Variants in MYO7A observed in about 807,000 individuals in gnomAD.
MYO7A encodes unconventional myosin-VIIa.
Under a neutral mutation model 263.8 loss-of-function variants are expected in MYO7A, and 210 were observed. That is an observed-to-expected ratio of 0.80 (90% CI 0.71 to 0.89). MYO7A has a LOEUF of 0.89. Ranked by LOEUF, MYO7A falls within the 40% of genes least tolerant of loss-of-function variation. The probability of loss-of-function intolerance (pLI) is 0.00; values close to 1 mark genes in which losing one functional copy is unlikely to be tolerated. For missense variants in MYO7A, 2,820 were observed against 2,968.3 expected (o/e 0.95, Z 1.16); for synonymous variants, 1,239 against 1,197.3 (o/e 1.03, Z -0.72).
At chr11:77,142,082 C>T (rs1298805969) in intron 2 of MYO7A, among the ~76,000 whole-genome samples, 7 of 152,242 alleles carry the variant, frequency 4.6e-5, no homozygotes, top group African/African-American at 1.7e-4. Context: ...ACGTTTGGCT[C>T]TCACGATCCC....
chr11:77,199,061 G>C (rs985147608), intron 34 of MYO7A, among the ~76,000 whole-genome samples: 1 of 152,200 alleles, frequency 6.6e-6, no homozygotes, highest in African/African-American at 2.4e-5. Flanking sequence ...GTGGGTTGCT[G>C]GGATTGACTG....
At position 77,203,096 on chromosome 11, in the gene MYO7A, G is replaced by A; in HGVS notation, c.5205G>A (p.Val1735=). ...AGCACACGCTGAGCCGTGTCATGGT[G>A]TCCAAGGCCCGAGGCAAGGACCGGC... The part of the protein sequence containing the change: ...PPKHTLSRVM[V]SKARGKDRLW... Residue 1735 remains valine, a synonymous_variant, in exon 38 of 49, where the codon GTG becomes GTA. Transcript: ENST00000409709. 1 of 1,548,930 alleles carries A rather than the reference G, an allele frequency of 6.5e-7. No individual in the cohort carries two copies. Among genetic ancestry groups the A allele is most frequent in the Non-Finnish European group, 8.7e-7 (1 of 1,146,980 alleles).
chr11:77,187,245 C>T (rs1955715218), intron 27 of MYO7A, among the ~76,000 whole-genome samples: 1 of 152,140 alleles, frequency 6.6e-6, no homozygotes, highest in African/African-American at 2.4e-5. Flanking sequence ...GGGAAGTGAG[C>T]ACATGCTGTT....
At position 77,158,433 on chromosome 11, in the gene MYO7A, G is replaced by T; in HGVS notation, c.1003+3G>T. The T allele has an allele frequency of 1.2e-6, 2 of 1,610,600 alleles. No individual in the cohort carries two copies. The highest frequency in any genetic ancestry group is 1.7e-6 in the Non-Finnish European group (2 of 1,179,272). On this transcript the variant is annotated splice_donor_region_variant and intron_variant, in intron 9 of 48. Transcript: ENST00000409709. Reference sequence around the variant, plus strand: ...CCTGGGCAACCTGCAGTATGAGGGTGAGGCTGCGCCACACTCGCCCTGCCC... The same window carrying T: ...CCTGGGCAACCTGCAGTATGAGGGTTAGGCTGCGCCACACTCGCCCTGCCC...
At chr11:77,181,819 C>A in intron 23 of MYO7A, 132 bp from the exon 24 acceptor site, 1 of 742,884 alleles carries the variant, frequency 1.3e-6, no homozygotes, top group Non-Finnish European at 2.1e-6. Context: ...GGGTCGTACC[C>A]TGTTGCTCAG....
At chr11:77,158,477 A>T in intron 9 of MYO7A, 47 bp downstream of exon 9, 1 of 1,581,856 alleles carries the variant, frequency 6.3e-7, no homozygotes. Flanking sequence ...CGCCAAGGGC[A>T]GTGCAGTGCC....
At position 77,206,069 on chromosome 11, in the gene MYO7A, CCCCCTGCTG is replaced by C. The variant is rs758826334; in HGVS notation, c.5637-16_5637-8del. ...TGGTCTCCACAGTCCCACGCACATG[CCCCCTGCTG>C]CCCCTGCTGCCTTTTCAGAAACGGG... On this transcript the variant is annotated intron_variant, in intron 40 of 48. Coordinates refer to ENST00000409709, the MANE Select transcript of MYO7A (RefSeq NM_000260.4). The C allele has an allele frequency of 1.2e-5, 19 of 1,556,458 alleles. No individual in the cohort carries two copies. Among genetic ancestry groups the C allele is most frequent in the Admixed American group, 1.1e-4 (6 of 55,812 alleles).
intron 4 of MYO7A, among the ~76,000 whole-genome samples, chr11:77,152,418 G>A (rs907834154): frequency 6.6e-6 from 1 of 152,220 alleles, no homozygotes; most frequent in East Asian, 1.9e-4. Flanking sequence ...TGGCCTTGAG[G>A]CCCTGCCACA....
At chr11:77,181,695 AGT>A in intron 23 of MYO7A, 106 bp downstream of exon 23, 1 of 1,099,614 alleles carries the variant, frequency 9.1e-7, no homozygotes, top group Non-Finnish European at 1.3e-6. Context: ...CCCTCTGAAC[AGT>A]GGGGAGCAGA....
chr11:77,144,722 A>C (rs1951447702), intron 3 of MYO7A, among the ~76,000 whole-genome samples: 1 of 152,116 alleles, frequency 6.6e-6, no homozygotes, highest in African/African-American at 2.4e-5. Context: ...AGAGTTCATC[A>C]AGGGGTCTGC....
chr11:77,197,590 A>C lies in MYO7A; in HGVS notation c.4433A>C (p.Lys1478Thr), dbSNP rs1272473605. ...TTCTCCAGGTTTTATGAAGCCTACA[A>C]ATTCTCAGGTACCCCGCAGCCTGCA... ...LLFSRFYEAY[K>T]FSGPSLPKND... is the part of the protein sequence containing the mutation. Residue 1478 changes from lysine to threonine, a missense_variant, in exon 33 of 49, where the codon AAA (lysine) becomes ACA (threonine). Lys to Thr is a moderately conservative substitution (Grantham distance 78, BLOSUM62 -1). Coordinates refer to ENST00000409709, the MANE Select transcript of MYO7A (RefSeq NM_000260.4). 1 of 1,586,250 alleles carries C rather than the reference A, an allele frequency of 6.3e-7. No individual in the cohort carries two copies. Among genetic ancestry groups the C allele is most frequent in the Admixed American group, 1.8e-5 (1 of 56,800 alleles).
chr11:77,212,891 G>A, intron 46 of MYO7A, 61 bp from the exon 47 acceptor site: 2 of 1,325,684 alleles, frequency 1.5e-6, no homozygotes, highest in South Asian at 2.5e-5. Context: ...CTTCATTCCT[G>A]TCCCCAAATG....
chr11:77,137,057 T>C (rs1555047676), intron 2 of MYO7A, among the ~76,000 whole-genome samples: 1 of 152,198 alleles, frequency 6.6e-6, no homozygotes. Context: ...CACCAGCACT[T>C]CCTTGTGTCT....
At position 77,212,422 on chromosome 11, in the gene MYO7A, C is replaced by T. The variant is rs1028902915; in HGVS notation, c.6354+485C>T. ...GGAGGCGAGAGTGGGCTGTGGAGAG[C>T]AGCAGCTTGGCAAGCAGGTGAGAGG... On this transcript the variant is annotated intron_variant, in intron 46 of 48. Transcript: ENST00000409709. 11 of 352,252 alleles carry T rather than the reference C, an allele frequency of 3.1e-5. No homozygotes were observed. In the Admixed American group the frequency reaches 4.2e-4, roughly 14 times the overall value. The allele number at this position is 352,252 out of a possible 1,614,324, so 21.8% of individuals were successfully genotyped here.
At chr11:77,143,928 C>T (rs948132609) in intron 3 of MYO7A, among the ~76,000 whole-genome samples, 4 of 152,138 alleles carry the variant, frequency 2.6e-5, no homozygotes, top group Admixed American at 2.6e-4. Context: ...TCAGGTGCAT[C>T]CCCTCAGAGT....
At chr11:77,189,953 T>A in intron 28 of MYO7A, 67 bp from the exon 29 acceptor site, 3 of 1,452,858 alleles carry the variant, frequency 2.1e-6, no homozygotes, top group Non-Finnish European at 2.7e-6. Context: ...CGGGAGGGCC[T>A]GGCGGCTGCC....
chr11:77,181,918 G>C, intron 23 of MYO7A, 33 bp from the exon 24 acceptor site: 1 of 1,602,272 alleles, frequency 6.2e-7, no homozygotes, highest in African/African-American at 1.3e-5. Context: ...CTGAGTAGCT[G>C]GGACTCCAGG....
chr11:77,183,902 C>G (rs1893760), intron 26 of MYO7A, among the ~76,000 whole-genome samples: 90,517 of 151,618 alleles, frequency 0.6, 27,619 homozygotes, highest in African/African-American at 0.71. Context: ...TTGAATCCCA[C>G]CTCTGCCGCT....
At chr11:77,196,703 C>T (rs1332727884) in intron 32 of MYO7A, among the ~76,000 whole-genome samples, 2 of 141,926 alleles carry the variant, frequency 1.4e-5, no homozygotes, top group Admixed American at 7.3e-5. Flanking sequence ...GAATTCTCAC[C>T]GCTCTCAGGA....
Sources: allele counts gnomAD v4.1 joint callset (sites outside exome capture counted in the v4.1 genomes callset), GRCh38; gene constraint gnomAD v4.1.1; transcripts MANE v1.5; gene names NCBI Gene and HGNC (gene_info 2026-07-23, HGNC 2026-07-21).